CNTNAP2: variants seen among roughly 807,000 people sequenced by gnomAD.
The protein encoded by CNTNAP2 is contactin associated protein 2, also known as contactin-associated protein-like 2.
CNTNAP2 carries 98 observed loss-of-function variants against 155.2 expected under a neutral mutation model. The observed-to-expected ratio is 0.63, with a 90% CI of 0.54 to 0.75. CNTNAP2 has a LOEUF of 0.75. Among genes scored for constraint, CNTNAP2 ranks in the 30% least tolerant of loss-of-function variants. The probability of loss-of-function intolerance (pLI) is 0.00; values close to 1 mark genes in which losing one functional copy is unlikely to be tolerated. For missense variants in CNTNAP2, 1,727 were observed against 1,688.1 expected (o/e 1.02, Z -0.40); for synonymous variants, 651 against 631.2 (o/e 1.03, Z -0.47).
At chr7:147,708,070 T>C (rs941429720) in intron 13 of CNTNAP2, among the ~76,000 whole-genome samples, 1 of 151,750 alleles carries the variant, frequency 6.6e-6, no homozygotes, top group Admixed American at 6.6e-5. Flanking sequence ...TAGACAGGGG[T>C]GGAGTGATCC....
intron 12 of CNTNAP2, among the ~76,000 whole-genome samples, chr7:147,614,975 A>T (rs1801253749): frequency 6.6e-6 from 1 of 151,918 alleles, no homozygotes. Flanking sequence ...AATTCAAGCC[A>T]CATGTGATGG....
At chr7:147,703,512 T>C (rs1584909090) in intron 13 of CNTNAP2, among the ~76,000 whole-genome samples, 1 of 152,196 alleles carries the variant, frequency 6.6e-6, no homozygotes, top group South Asian at 2.1e-4. Flanking sequence ...ATTTAGGTAT[T>C]TACAGAGTAA....
chr7:146,825,540 C>A (rs937806388), intron 2 of CNTNAP2, among the ~76,000 whole-genome samples: 4 of 152,110 alleles, frequency 2.6e-5, no homozygotes, highest in South Asian at 2.1e-4. Context: ...ATCTTGAGAA[C>A]AATTCCTTTG....
intron 1 of CNTNAP2, among the ~76,000 whole-genome samples, chr7:146,632,709 G>A (rs1310554948): frequency 6.6e-6 from 1 of 151,628 alleles, no homozygotes; most frequent in African/African-American, 2.4e-5. Context: ...TATTTGTAGA[G>A]GACATAAACT....
chr7:146,821,986 G>T (rs1192381952), intron 2 of CNTNAP2, among the ~76,000 whole-genome samples: 4 of 151,818 alleles, frequency 2.6e-5, no homozygotes, highest in Admixed American at 6.6e-5. Flanking sequence ...ATACCCAAAG[G>T]ATTATAAATC....
chr7:147,906,904 A>G (rs1160914603), intron 14 of CNTNAP2, among the ~76,000 whole-genome samples: 1 of 152,110 alleles, frequency 6.6e-6, no homozygotes, highest in African/African-American at 2.4e-5. Context: ...GAGTTCTAAC[A>G]TTTCACAGTT....
rs577631015 is a variant in CNTNAP2, at chr7:146,382,866, A to G, written c.97+265893A>G. ...AAATGAAATCAGAAAAATTATTTTTAAAAAATATCAAACCATAGATGAAGA... is the reference window on the plus strand; with the variant it reads ...AAATGAAATCAGAAAAATTATTTTTGAAAAATATCAAACCATAGATGAAGA... On this transcript the variant is annotated intron_variant, in intron 1 of 23. Coordinates refer to ENST00000361727, the MANE Select transcript of CNTNAP2 (RefSeq NM_014141.6). Among the ~76,000 whole-genome samples the G allele has an allele frequency of 2.0e-5, 3 of 152,312 alleles. No individual in the cohort carries two copies. The East Asian group carries it at 5.8e-4, about 29-fold the overall frequency.
intron 12 of CNTNAP2, among the ~76,000 whole-genome samples, chr7:147,633,096 G>A (rs1795116075): frequency 1.3e-5 from 2 of 152,348 alleles, no homozygotes; most frequent in South Asian, 4.1e-4. Flanking sequence ...GGCCTAGGAG[G>A]GAAAAATCTT....
intron 8 of CNTNAP2, among the ~76,000 whole-genome samples, chr7:147,273,943 T>C (rs1021450907): frequency 6.7e-6 from 1 of 148,214 alleles, no homozygotes; most frequent in Non-Finnish European, 1.5e-5. Flanking sequence ...GTAATATCTA[T>C]TTTATGTAAT....
intron 18 of CNTNAP2, among the ~76,000 whole-genome samples, chr7:148,174,417 A>ACCC (rs67808974): frequency 3.3e-5 from 5 of 150,610 alleles, no homozygotes; most frequent in African/African-American, 4.9e-5. Flanking sequence ...AGTTCCTGTG[A>ACCC]CCGCCCCCCA....
At chr7:146,567,569 A>C (rs1798376663) in intron 1 of CNTNAP2, among the ~76,000 whole-genome samples, 1 of 152,160 alleles carries the variant, frequency 6.6e-6, no homozygotes, top group Non-Finnish European at 1.5e-5. Flanking sequence ...TGTTGCACTA[A>C]ATTATCAAGC....
chr7:147,451,220 A>G (rs1797828035), intron 10 of CNTNAP2, among the ~76,000 whole-genome samples: 1 of 152,190 alleles, frequency 6.6e-6, no homozygotes. Flanking sequence ...ACAAGAGCCC[A>G]CTAGTCTGGA....
intron 14 of CNTNAP2, among the ~76,000 whole-genome samples, chr7:147,909,005 A>C (rs573194993): frequency 6.6e-6 from 1 of 152,354 alleles, no homozygotes; most frequent in East Asian, 1.9e-4. Flanking sequence ...TCATAAATGA[A>C]AGTTTAAAAT....
At chr7:146,548,848 G>A (rs1798072728) in intron 1 of CNTNAP2, among the ~76,000 whole-genome samples, 4 of 133,354 alleles carry the variant, frequency 3.0e-5, no homozygotes, top group Non-Finnish European at 4.7e-5. Context: ...CTGTACAGAA[G>A]CTTTTTAGTG....
intron 1 of CNTNAP2, among the ~76,000 whole-genome samples, chr7:146,529,303 T>C (rs1797734670): frequency 6.6e-6 from 1 of 152,130 alleles, no homozygotes; most frequent in Non-Finnish European, 1.5e-5. Flanking sequence ...TTACTCAACA[T>C]AAATTGGGAG....
At chr7:146,432,876 G>A (rs1796191555) in intron 1 of CNTNAP2, among the ~76,000 whole-genome samples, 1 of 152,152 alleles carries the variant, frequency 6.6e-6, no homozygotes, top group South Asian at 2.1e-4. Flanking sequence ...TGACTTTGGA[G>A]CACTAATGAG....
chr7:147,263,303 G>C (rs1259223388), intron 8 of CNTNAP2, among the ~76,000 whole-genome samples: 1 of 152,060 alleles, frequency 6.6e-6, no homozygotes, highest in African/African-American at 2.4e-5. Flanking sequence ...AGAGGTTGCA[G>C]TGAGCTGTGA....
chr7:148,195,375 T>C lies in CNTNAP2; in HGVS notation c.3011-21913T>C, dbSNP rs531587424. ...GTGAGTTTTCCATCTCTGAAAAAAATAGGAAAAGAAAAGACAAGGAAATGA... is the reference window on the plus strand; with the variant it reads ...GTGAGTTTTCCATCTCTGAAAAAAACAGGAAAAGAAAAGACAAGGAAATGA... On this transcript the variant is annotated intron_variant, in intron 18 of 23. Transcript: ENST00000361727. 5.3e-5 allele frequency among the ~76,000 whole-genome samples: 8 copies of C among 152,222 alleles called. No individual in the cohort carries two copies. The East Asian group carries it at 1.5e-3, about 29-fold the overall frequency.
chr7:148,400,946 C>T (rs1799569684), intron 22 of CNTNAP2, among the ~76,000 whole-genome samples: 1 of 151,286 alleles, frequency 6.6e-6, no homozygotes, highest in South Asian at 2.1e-4. Context: ...TGCCACTACA[C>T]TCCAGCCTGG....
Sources: allele counts gnomAD v4.1 joint callset (sites outside exome capture counted in the v4.1 genomes callset), GRCh38; gene constraint gnomAD v4.1.1; transcripts MANE v1.5; gene names NCBI Gene and HGNC (gene_info 2026-07-23, HGNC 2026-07-21).